The following CREBBP variants were observed in gnomAD, a reference collection of about 807,000 sequenced individuals.
CREBBP encodes CREB-binding protein.
Under a neutral mutation model 265.0 loss-of-function variants are expected in CREBBP, and 19 were observed. That is an observed-to-expected ratio of 0.07 (90% CI 0.05 to 0.11). The LOEUF is 0.11. CREBBP is among the 10% of genes least tolerant of loss of function. The pLI, the probability that CREBBP is intolerant of heterozygous loss-of-function variation, is 1.00. For synonymous variants in CREBBP, 1,457 were observed against 1,223.7 expected, an observed-to-expected ratio of 1.19 and a Z score of -3.98; for missense variants, 2,525 against 3,219.0, an observed-to-expected ratio of 0.78 and a Z score of 5.22.
chr16:3,826,343 T>C (rs1397257939), intron 2 of CREBBP, among the ~76,000 whole-genome samples: 2 of 152,186 alleles, frequency 1.3e-5, no homozygotes, highest in Admixed American at 6.5e-5. Context: ...AAATAAATTA[T>C]GTAGACACTT....
intron 3 of CREBBP, among the ~76,000 whole-genome samples, chr16:3,797,249 G>C (rs1454888266): frequency 1.3e-5 from 2 of 152,112 alleles, no homozygotes; most frequent in Non-Finnish European, 2.9e-5. Flanking sequence ...TTTTCTAAGA[G>C]CCAAGAAAAT....
intron 3 of CREBBP, among the ~76,000 whole-genome samples, chr16:3,808,007 G>C (rs1362245864): frequency 6.6e-6 from 1 of 152,158 alleles, no homozygotes; most frequent in Non-Finnish European, 1.5e-5. Context: ...TTGTGAGACA[G>C]TGGCCACCAG....
At chr16:3,824,825 C>G (rs981576566) in intron 2 of CREBBP, among the ~76,000 whole-genome samples, 2 of 152,232 alleles carry the variant, frequency 1.3e-5, no homozygotes, top group African/African-American at 2.4e-5. Context: ...CAGTCCCCTC[C>G]TTGCACTGTC....
chr16:3,737,157 C>T (rs1217943447), intron 26 of CREBBP, among the ~76,000 whole-genome samples: 2 of 152,296 alleles, frequency 1.3e-5, no homozygotes, highest in African/African-American at 4.8e-5. Flanking sequence ...AAAGGCAGTT[C>T]GGTTGACTAT....
intron 1 of CREBBP, among the ~76,000 whole-genome samples, chr16:3,870,250 G>C (rs536507395): frequency 6.6e-6 from 1 of 152,130 alleles, no homozygotes; most frequent in Non-Finnish European, 1.5e-5. Flanking sequence ...ACACAGTACA[G>C]CACAGAGCTG....
At chr16:3,779,491 C>T (rs578191710) in intron 8 of CREBBP, among the ~76,000 whole-genome samples, 35 of 152,260 alleles carry the variant, frequency 2.3e-4, no homozygotes, top group African/African-American at 8.4e-4. Flanking sequence ...ACTTCCAATG[C>T]CATCAAATAA....
At chr16:3,781,025 G>T in intron 7 of CREBBP, 147 bp from the exon 8 acceptor site, 2 of 1,124,778 alleles carry the variant, frequency 1.8e-6, no homozygotes, top group Admixed American at 2.0e-5. Flanking sequence ...CTTAAACTAT[G>T]TTTTAATCTA....
chr16:3,754,414 T>C (rs766172606), intron 19 of CREBBP, among the ~76,000 whole-genome samples: 55 of 152,192 alleles, frequency 3.6e-4, no homozygotes, highest in Non-Finnish European at 7.1e-4. Context: ...ATTTAGAAAT[T>C]CACTTTTCAA....
intron 3 of CREBBP, among the ~76,000 whole-genome samples, chr16:3,798,483 A>G (rs932353836): frequency 1.3e-5 from 2 of 152,232 alleles, no homozygotes; most frequent in East Asian, 3.8e-4. Context: ...CAGTAATAAA[A>G]AGACTAATAG....
At chr16:3,784,799 C>CAG (rs2053349698) in intron 5 of CREBBP, among the ~76,000 whole-genome samples, 1 of 152,234 alleles carries the variant, frequency 6.6e-6, no homozygotes, top group Non-Finnish European at 1.5e-5. Flanking sequence ...ACAGTGAATG[C>CAG]CACTCCTAAG....
At chr16:3,736,274 C>T (rs934854871) in intron 27 of CREBBP, 71 bp from the exon 28 acceptor site, 9 of 1,500,736 alleles carry the variant, frequency 6.0e-6, no homozygotes, top group Admixed American at 3.3e-5. Flanking sequence ...GCGACAGACC[C>T]CCACGCAAGC....
At chr16:3,844,461 A>T (rs1207318828) in intron 2 of CREBBP, among the ~76,000 whole-genome samples, 4 of 152,226 alleles carry the variant, frequency 2.6e-5, no homozygotes, top group Non-Finnish European at 5.9e-5. Context: ...GATAAAACCT[A>T]ACATTTAGAT....
At position 3,818,218 on chromosome 16, in the gene CREBBP, G is replaced by A. The variant is rs936348235; in HGVS notation, c.799-7439C>T. 4.5e-4 allele frequency among the ~76,000 whole-genome samples: 69 copies of A among 152,080 alleles called. 2 individuals carry two copies. Among genetic ancestry groups the A allele is most frequent in the Non-Finnish European group, 2.9e-5 (2 of 68,018 alleles). On this transcript the variant is annotated intron_variant, in intron 2 of 30. Transcript: ENST00000262367. ...GGAGGACGGCCAGAAATGGCACTGC[G>A]ACGCAGAACTTGACCTAGAGTCGGC...
At chr16:3,790,610 A>G (rs2053485772) in intron 5 of CREBBP, among the ~76,000 whole-genome samples, 1 of 152,034 alleles carries the variant, frequency 6.6e-6, no homozygotes, top group African/African-American at 2.4e-5. Flanking sequence ...TCGGCCTCCC[A>G]AAGTGTTGGG....
chr16:3,811,799 C>T (rs564444990), intron 2 of CREBBP, among the ~76,000 whole-genome samples: 9 of 152,190 alleles, frequency 5.9e-5, no homozygotes, highest in South Asian at 4.2e-4. Context: ...CGGCCCCTTA[C>T]GGTTTTCCTA....
intron 1 of CREBBP, among the ~76,000 whole-genome samples, chr16:3,876,656 G>T (rs1375189141): frequency 6.6e-6 from 1 of 152,102 alleles, no homozygotes; most frequent in Non-Finnish European, 1.5e-5. Context: ...AAGTGTAAAG[G>T]CTTCTACATA....
At chr16:3,845,421 T>C (rs1027860069) in intron 2 of CREBBP, among the ~76,000 whole-genome samples, 4 of 152,164 alleles carry the variant, frequency 2.6e-5, no homozygotes, top group Non-Finnish European at 5.9e-5. Context: ...ACCCAAATCC[T>C]ATATGTTTGA....
At chr16:3,820,116 A>G (rs909345963) in intron 2 of CREBBP, among the ~76,000 whole-genome samples, 2 of 152,254 alleles carry the variant, frequency 1.3e-5, no homozygotes, top group Admixed American at 1.3e-4. Flanking sequence ...ATCATTTTCA[A>G]TGACATAAAG....
At chr16:3,835,524 A>G (rs2054427429) in intron 2 of CREBBP, among the ~76,000 whole-genome samples, 2 of 151,630 alleles carry the variant, frequency 1.3e-5, no homozygotes, top group South Asian at 4.2e-4. Flanking sequence ...AGAAATGAAA[A>G]CTTCTATGCC....
Sources: allele counts gnomAD v4.1 joint callset (sites outside exome capture counted in the v4.1 genomes callset), GRCh38; gene constraint gnomAD v4.1.1; transcripts MANE v1.5; gene names NCBI Gene and HGNC (gene_info 2026-07-23, HGNC 2026-07-21).